ATP1A2: variants seen among roughly 807,000 people sequenced by gnomAD.
The protein encoded by ATP1A2 is ATPase Na+/K+ transporting subunit alpha 2.
A neutral mutation model predicts 113.1 loss-of-function variants in ATP1A2; 56 were observed. That is an observed-to-expected ratio of 0.49 (90% CI 0.40 to 0.62). ATP1A2 has a LOEUF of 0.62. Ranked by LOEUF, ATP1A2 falls within the 20% of genes least tolerant of loss-of-function variation. The pLI, the probability that ATP1A2 is intolerant of heterozygous loss-of-function variation, is 0.00. For missense variants in ATP1A2, 712 were observed against 1,357.8 expected, an observed-to-expected ratio of 0.52 and a Z score of 7.47; for synonymous variants, 490 against 526.8, an observed-to-expected ratio of 0.93 and a Z score of 0.96.
intron 19 of ATP1A2, 44 bp downstream of exon 19, chr1:160,136,759 G>T (rs193165079): frequency 6.2e-7 from 1 of 1,614,110 alleles, no homozygotes; most frequent in Non-Finnish European, 8.5e-7. Flanking sequence ...GTGAAGGTAC[G>T]GGAAGCTGAA....
chr1:160,118,803 C>A (rs1226199653), intron 1 of ATP1A2, among the ~76,000 whole-genome samples: 1 of 152,046 alleles, frequency 6.6e-6, no homozygotes, highest in African/African-American at 2.4e-5. Context: ...ACTGGTCAGA[C>A]TTCTACCTCT....
chr1:160,132,389 T>G (rs560461026), intron 13 of ATP1A2, among the ~76,000 whole-genome samples: 10 of 151,930 alleles, frequency 6.6e-5, no homozygotes, highest in African/African-American at 2.4e-4. Flanking sequence ...CTACCTGGTT[T>G]GAGGAGGGAC....
At chr1:160,121,137 C>G in intron 2 of ATP1A2, 55 bp from the exon 3 acceptor site, 1 of 1,606,518 alleles carries the variant, frequency 6.2e-7, no homozygotes, top group South Asian at 1.1e-5. Context: ...CTGCAGTACC[C>G]TCATATGCAT....
intron 4 of ATP1A2, 115 bp downstream of exon 4, chr1:160,123,531 CCCCT>C: frequency 4.5e-6 from 6 of 1,334,400 alleles, no homozygotes; most frequent in Non-Finnish European, 5.3e-6. Flanking sequence ...CCTACAGATG[CCCCT>C]GCATCTTAGG....
Position 160,132,883 on chromosome 1 carries a change from A to T in ATP1A2, c.1828-1601A>T, listed in dbSNP as rs1280267447. 4.6e-5 allele frequency among the ~76,000 whole-genome samples: 7 copies of T among 152,246 alleles called. No individual in the cohort carries two copies. The East Asian group carries it at 9.7e-4, about 21-fold the overall frequency. On this transcript the variant is annotated intron_variant, in intron 13 of 22. Transcript: ENST00000361216. ...AGACAGGTCAAGTGAAGGGAGGAGA[A>T]TGAAATCCTGTGCCAAACCAACATT... is the stretch of plus-strand genomic sequence containing the variant.
Position 160,129,268 on chromosome 1 carries a change from G to A in ATP1A2, c.1329G>A (p.Arg443=). 6.2e-7 allele frequency: 1 copy of A among 1,614,146 alleles called. No homozygotes were observed. Residue 443 remains arginine (R), a splice_region_variant and synonymous_variant, in exon 11 of 23, where the codon CGG becomes CGA. Transcript: ENST00000361216. ...TGAATTCTTGTCTCTTCTGGCAGCG[G>A]GACACAGCTGGTGATGCCTCTGAGT... is the stretch of plus-strand genomic sequence containing the variant. ...AGQENISVSK[R]DTAGDASESA... is the part of the protein sequence containing the mutation.
chr1:160,135,680 T>C lies in ATP1A2; in HGVS notation c.2284+78T>C. On this transcript the variant is annotated intron_variant, in intron 16 of 22. Transcript: ENST00000361216. The surrounding 1 kb of genome is among the most constrained non-coding windows in gnomAD (Gnocchi z 6.3). Reference sequence around the variant, plus strand: ...TCTGTTCCCTGTCCCTTTACCCCAGTTGAAGAATCATTCCACAACTCTAGG... The same window carrying C: ...TCTGTTCCCTGTCCCTTTACCCCAGCTGAAGAATCATTCCACAACTCTAGG... The C allele has an allele frequency of 1.9e-6, 3 of 1,611,610 alleles. No homozygotes were observed. The highest frequency in any genetic ancestry group is 1.3e-5 in the African/African-American group (1 of 74,932).
rs369916877 is a variant in ATP1A2 at position 160,135,981 on chromosome 1, G to A, written c.2427G>A (p.Leu809=). ...CTGTGACCATCCTTTGCATTGACCTGGGCACAGATATGGTGAGCGCAGGAG... is the reference window on the plus strand; with the variant it reads ...CTGTGACCATCCTTTGCATTGACCTAGGCACAGATATGGTGAGCGCAGGAG... ...LGTVTILCID[L]GTDMVPAISL... The change falls in exon 17 of 23, where the codon CTG becomes CTA. Residue 809 remains leucine (L), a synonymous_variant. Transcript: ENST00000361216. The surrounding 1 kb of genome is among the most constrained non-coding windows in gnomAD (Gnocchi z 6.3). 4 of 1,614,000 alleles carry A rather than the reference G, an allele frequency of 2.5e-6. No individual in the cohort carries two copies. The highest frequency in any genetic ancestry group is 3.4e-6 in the Non-Finnish European group (4 of 1,179,994).
Position 160,136,300 on chromosome 1 carries a change from G to A in ATP1A2, c.2493G>A (p.Arg831=). 1 of 1,614,158 alleles carries A rather than the reference G, an allele frequency of 6.2e-7. No homozygotes were observed. Among genetic ancestry groups the A allele is most frequent in the Non-Finnish European group, 8.5e-7 (1 of 1,180,030 alleles). Residue 831 remains arginine (R), a synonymous_variant, in exon 18 of 23, where the codon CGG becomes CGA. Transcript: ENST00000361216. The part of the protein sequence containing the change: ...YEAAESDIMK[R]QPRNSQTDKL... ...CAGCTGAGAGTGATATCATGAAGCGGCAGCCACGAAACTCCCAGACGGACA... is the reference window on the plus strand; with the variant it reads ...CAGCTGAGAGTGATATCATGAAGCGACAGCCACGAAACTCCCAGACGGACA...
chr1:160,121,128 T>C lies in ATP1A2; in HGVS notation c.118-64T>C, dbSNP rs994360726. ...TGCTGCTCAACTCACCCCTGTGCCC[T>C]GCAGTACCCTCATATGCATCTTAGA... On this transcript the variant is annotated intron_variant, in intron 2 of 22. Transcript: ENST00000361216. 8.7e-6 allele frequency: 14 copies of C among 1,603,328 alleles called. No individual in the cohort carries two copies. In the Admixed American group the frequency reaches 2.2e-4, roughly 25 times the overall value.
At chr1:160,128,386 A>T (rs912638740) in intron 8 of ATP1A2, 3 of 928,102 alleles carry the variant, frequency 3.2e-6, no homozygotes, top group Middle Eastern at 4.2e-4. Context: ...TTGATGACTC[A>T]GACATCCCTA....
At chr1:160,140,153 G>A (rs1652090299) in intron 22 of ATP1A2, 169 bp downstream of exon 22, 9 of 685,914 alleles carry the variant, frequency 1.3e-5, no homozygotes, top group Admixed American at 4.4e-5. Context: ...CGAACCTGTT[G>A]TCTCTGCCCT....
Position 160,139,649 on chromosome 1 carries a change from C to T in ATP1A2, c.2850C>T (p.Ile950=). ...TTTCTTTGCCTTTCAGGAACAAGAT[C>T]CTGATTTTTGGGCTCCTGGAGGAGA... The part of the protein sequence containing the change: ...SVFQQGMKNK[I]LIFGLLEETA... Residue 950 remains isoleucine, a synonymous_variant, in exon 21 of 23, where the codon ATC becomes ATT. Coordinates refer to ENST00000361216, the MANE Select transcript of ATP1A2 (RefSeq NM_000702.4). The T allele has an allele frequency of 6.2e-7, 1 of 1,614,166 alleles. No individual in the cohort carries two copies. The highest frequency in any genetic ancestry group is 8.5e-7 in the Non-Finnish European group (1 of 1,180,030).
chr1:160,134,452 A>G (rs1419165578), intron 13 of ATP1A2, 32 bp from the exon 14 acceptor site: 2 of 1,613,932 alleles, frequency 1.2e-6, no homozygotes, highest in Admixed American at 1.7e-5. Context: ...CCTTAATACT[A>G]CTTTCCTGTT....
chr1:160,136,842 C>T, intron 19 of ATP1A2, 59 bp from the exon 20 acceptor site: 1 of 1,614,212 alleles, frequency 6.2e-7, no homozygotes. Flanking sequence ...ACCATGCTAC[C>T]TTCTGGTCCT....
At position 160,123,374 on chromosome 1, in the gene ATP1A2, C is replaced by T. The variant is rs148929192; in HGVS notation, c.339C>T (p.Tyr113=). 697 of 1,614,086 alleles carry T rather than the reference C, an allele frequency of 4.3e-4. 2 individuals are homozygous for T. The highest frequency in any genetic ancestry group is 1.8e-3 in the South Asian group (166 of 91,082). The change falls in exon 4 of 23, where the codon TAC becomes TAT. Residue 113 remains tyrosine, a synonymous_variant. Transcript: ENST00000361216. ...GGGCTATCCTCTGCTTCCTGGCCTACGGCATCCAGGCTGCCATGGAGGATG... is the reference window on the plus strand; with the variant it reads ...GGGCTATCCTCTGCTTCCTGGCCTATGGCATCCAGGCTGCCATGGAGGATG... ...WIGAILCFLA[Y]GIQAAMEDEP...
rs867043013 is a variant in ATP1A2 at position 160,141,389 on chromosome 1, G to A, written c.*67G>A. 3.8e-6 allele frequency: 6 copies of A among 1,592,246 alleles called. No homozygotes were observed. Among genetic ancestry groups the A allele is most frequent in the South Asian group, 2.2e-5 (2 of 90,588 alleles). ...CTGGAGGTGTTGTGGGGATGGTGAT[G>A]GAGAGGGATGGAAATAACGGGTGGC... On this transcript the variant is annotated 3_prime_UTR_variant, in exon 23 of 23. Transcript: ENST00000361216.
intron 1 of ATP1A2, among the ~76,000 whole-genome samples, 185 bp downstream of exon 1, chr1:160,116,058 A>G (rs191373183): frequency 1.3e-4 from 20 of 152,184 alleles, no homozygotes; most frequent in Non-Finnish European, 5.9e-5. Context: ...CACATACCCT[A>G]GTGCTCTCCT....
intron 1 of ATP1A2, among the ~76,000 whole-genome samples, chr1:160,118,056 T>C (rs1651247419): frequency 1.3e-5 from 2 of 151,724 alleles, no homozygotes; most frequent in Non-Finnish European, 2.9e-5. Flanking sequence ...GCCTGAGATC[T>C]TTGCCAGGAC....
Sources: allele counts gnomAD v4.1 joint callset (sites outside exome capture counted in the v4.1 genomes callset), GRCh38; gene constraint gnomAD v4.1.1; non-coding constraint Gnocchi (gnomAD v3.1); transcripts MANE v1.5; gene names NCBI Gene and HGNC (gene_info 2026-07-23, HGNC 2026-07-21).